The following CARNMT1 variants were observed in gnomAD, a reference collection of about 807,000 sequenced individuals.
CARNMT1 encodes protein-L-histidine N-pros-methyltransferase CARNMT1.
A neutral mutation model predicts 49.6 loss-of-function variants in CARNMT1; 28 were observed. The observed-to-expected ratio is 0.56, with a 90% CI of 0.42 to 0.77. CARNMT1 has a LOEUF of 0.77. CARNMT1 is among the 30% of genes least tolerant of loss of function. The pLI is 0.00. For synonymous variants in CARNMT1, 178 were observed against 175.0 expected (o/e 1.02, Z -0.13); for missense variants, 421 against 512.6 (o/e 0.82, Z 1.73).
intron 6 of CARNMT1, among the ~76,000 whole-genome samples, chr9:74,988,607 G>A (rs1013388180): frequency 6.6e-6 from 1 of 152,114 alleles, no homozygotes; most frequent in Non-Finnish European, 1.5e-5. Context: ...CTGATTATTT[G>A]CCTCTGACAG....
At chr9:74,995,932 G>A (rs1403353723) in intron 6 of CARNMT1, 1 of 152,082 alleles carries the variant, frequency 6.6e-6, no homozygotes, top group Non-Finnish European at 1.5e-5. Context: ...CGAGTAGTAA[G>A]TAGAATGCAG....
At chr9:75,024,687 T>A (rs1399908430) in intron 1 of CARNMT1, among the ~76,000 whole-genome samples, 1 of 152,210 alleles carries the variant, frequency 6.6e-6, no homozygotes, top group Non-Finnish European at 1.5e-5. Context: ...AGACATTCCT[T>A]GCTTTATGAC....
chr9:74,981,921 T>A lies in CARNMT1; in HGVS notation c.*1846A>T, dbSNP rs1185313959. 3 of 151,684 alleles carry A rather than the reference T, an allele frequency of 2.0e-5. No individual in the cohort carries two copies. In the South Asian group the frequency reaches 6.2e-4, roughly 31 times the overall value. The allele number at this position is 151,684 out of a possible 1,614,324, so 9.4% of individuals were successfully genotyped here. On this transcript the variant is annotated 3_prime_UTR_variant, in exon 8 of 8. Transcript: ENST00000376834. The stretch of plus-strand genomic sequence containing the variant: ...AAAACAATAATTTGAGTTTTTTTTT[T>A]CTTCCTTGCCACTAAATTCAAACTC...
Position 74,982,843 on chromosome 9 carries a change from C to T in CARNMT1, c.*924G>A, listed in dbSNP as rs1325876644. ...TTCCTAGCACTACTTTTAATAAAGG[C>T]TTTTTATTTCTCACTTTGAATGTTG... On this transcript the variant is annotated 3_prime_UTR_variant, in exon 8 of 8. Coordinates refer to ENST00000376834, the MANE Select transcript of CARNMT1 (RefSeq NM_152420.3). The T allele has an allele frequency of 6.6e-6, 1 of 151,834 alleles. No homozygotes were observed. The highest frequency in any genetic ancestry group is 6.6e-5 in the Admixed American group (1 of 15,232). The allele number at this position is 151,834 out of a possible 1,614,324, so 9.4% of individuals were successfully genotyped here.
At chr9:75,007,736 T>TA (rs1211539947) in intron 3 of CARNMT1, among the ~76,000 whole-genome samples, 1 of 53,340 alleles carries the variant, frequency 1.9e-5, no homozygotes, top group African/African-American at 5.1e-5. Flanking sequence ...CTCAAAAAAA[T>TA]AAAAATAATA....
chr9:75,027,806 C>A (rs888286635), intron 1 of CARNMT1, among the ~76,000 whole-genome samples: 1 of 152,170 alleles, frequency 6.6e-6, no homozygotes, highest in African/African-American at 2.4e-5. Flanking sequence ...GTGCAGCAGA[C>A]GGCGCGGCGG....
At chr9:74,992,146 C>T (rs1293905256) in intron 6 of CARNMT1, among the ~76,000 whole-genome samples, 3 of 152,010 alleles carry the variant, frequency 2.0e-5, no homozygotes, top group Non-Finnish European at 4.4e-5. Flanking sequence ...GTGGCGCACG[C>T]CTGTAACCCC....
chr9:75,018,348 G>A (rs1456776594), intron 1 of CARNMT1, among the ~76,000 whole-genome samples: 4 of 152,114 alleles, frequency 2.6e-5, no homozygotes, highest in African/African-American at 9.7e-5. Context: ...ACAGACATGA[G>A]CCACCATGCC....
chr9:75,001,433 A>C (rs1833352620), intron 3 of CARNMT1, among the ~76,000 whole-genome samples: 1 of 152,214 alleles, frequency 6.6e-6, no homozygotes, highest in South Asian at 2.1e-4. Context: ...ATGGCAGAAA[A>C]TATATTAACA....
At chr9:74,995,654 A>C (rs1457399066) in intron 6 of CARNMT1, among the ~76,000 whole-genome samples, 2 of 152,170 alleles carry the variant, frequency 1.3e-5, no homozygotes, top group African/African-American at 4.8e-5. Flanking sequence ...ATCAGTCACA[A>C]AACTAGACCC....
intron 3 of CARNMT1, among the ~76,000 whole-genome samples, chr9:75,010,922 A>C (rs986757074): frequency 6.6e-6 from 1 of 152,164 alleles, no homozygotes; most frequent in Non-Finnish European, 1.5e-5. Flanking sequence ...ACTGTGAAGT[A>C]CTGAATGTCC....
chr9:75,016,095 TAAC>T (rs1833838646), intron 3 of CARNMT1, 170 bp downstream of exon 3: 2 of 454,248 alleles, frequency 4.4e-6, no homozygotes, highest in Admixed American at 4.0e-5. Flanking sequence ...TTATTCAAAA[TAAC>T]AACTGTAATC....
chr9:74,983,899 G>C, intron 7 of CARNMT1, 31 bp from the exon 8 acceptor site: 1 of 1,489,316 alleles, frequency 6.7e-7, no homozygotes, highest in Non-Finnish European at 9.2e-7. Context: ...ATAATACTAT[G>C]ACAGTCATCA....
At chr9:75,017,119 C>G in intron 2 of CARNMT1, 134 bp downstream of exon 2, 1 of 661,576 alleles carries the variant, frequency 1.5e-6, no homozygotes, top group South Asian at 2.1e-5. Flanking sequence ...AATGACTGAA[C>G]ATTTAAGTTA....
intron 1 of CARNMT1, among the ~76,000 whole-genome samples, chr9:75,019,215 G>T (rs900717015): frequency 6.6e-6 from 1 of 152,016 alleles, no homozygotes; most frequent in Non-Finnish European, 1.5e-5. Context: ...TACTAATTAC[G>T]AAATCTCACT....
At chr9:75,017,165 T>C in intron 2 of CARNMT1, 88 bp downstream of exon 2, 1 of 1,002,072 alleles carries the variant, frequency 1.0e-6, no homozygotes, top group South Asian at 1.6e-5. Context: ...CTGTGCCAGA[T>C]TATAAAAATG....
Position 74,983,251 on chromosome 9 carries a change from GA to G in CARNMT1, c.*515del, listed in dbSNP as rs56068455. On this transcript the variant is annotated 3_prime_UTR_variant, in exon 8 of 8. Transcript: ENST00000376834. ...GACAGAGCGGGATCCTGTCTCTGAA[GA>G]AAAAAAAAAAAAAAGACATATTTTA... 8.4e-4 allele frequency: 102 copies of G among 120,746 alleles called. No homozygotes were observed. The Middle Eastern group carries it at 0.013, about 15-fold the overall frequency. The allele number at this position is 120,746 out of a possible 1,614,324, so 7.5% of individuals were successfully genotyped here.
upstream of CARNMT1, chr9:75,028,364 C>G (rs1395570416): frequency 3.1e-6 from 4 of 1,301,526 alleles, no homozygotes; most frequent in African/African-American, 1.6e-5. Flanking sequence ...GCGGCGCGCT[C>G]CGCCCCCGCC....
At chr9:74,991,393 A>C (rs1331814926) in intron 6 of CARNMT1, 1 of 151,990 alleles carries the variant, frequency 6.6e-6, no homozygotes, top group Non-Finnish European at 1.5e-5. Flanking sequence ...CGCCTGCCTC[A>C]CCTCCCAAAG....
Sources: allele counts gnomAD v4.1 joint callset (sites outside exome capture counted in the v4.1 genomes callset), GRCh38; gene constraint gnomAD v4.1.1; transcripts MANE v1.5; gene names NCBI Gene and HGNC (gene_info 2026-07-23, HGNC 2026-07-21).